RIMBP2: variants seen among roughly 807,000 people sequenced by gnomAD.
The protein encoded by RIMBP2 is RIMS binding protein 2, also known as RIMS-binding protein 2.
In RIMBP2, 48 loss-of-function variants were observed where a neutral mutation model predicts 118.6. The ratio of observed to expected loss-of-function variants is 0.40; its 90% CI spans 0.32 to 0.51. The LOEUF (loss-of-function observed/expected upper bound fraction) is 0.51, where lower values mean the gene tolerates loss of function less well. Among genes scored for constraint, RIMBP2 ranks in the 20% least tolerant of loss-of-function variants. RIMBP2 has a pLI of 0.41. For missense variants in RIMBP2, 1,551 were observed against 1,768.3 expected (o/e 0.88, Z 2.20); for synonymous variants, 762 against 742.9 (o/e 1.03, Z -0.42).
At chr12:130,664,413 A>ACGCACACGCACGCGCACGCACG (rs746938510) in intron 1 of RIMBP2, among the ~76,000 whole-genome samples, 2 of 121,238 alleles carry the variant, frequency 1.6e-5, no homozygotes, top group Non-Finnish European at 3.6e-5. Context: ...GCACGCACGC[A>ACGCACACGCACGCGCACGCACG]CACACACGCA....
rs1225918788 is a variant in RIMBP2 at position 130,396,735 on chromosome 12, A to G, written c.*626T>C. ...TTTTCTCTTTTTTGAATGATTGAGT[A>G]AACATTTTCTGTGTGTAGCCTGGCT... On this transcript the variant is annotated 3_prime_UTR_variant, in exon 23 of 23. Coordinates refer to ENST00000690449, the MANE Select transcript of RIMBP2 (RefSeq NM_001393629.1). The G allele has an allele frequency of 6.6e-6, 1 of 152,662 alleles. No individual in the cohort carries two copies. The highest frequency in any genetic ancestry group is 2.4e-5 in the African/African-American group (1 of 41,462). 9.5% of individuals were successfully genotyped at this position (152,662 alleles called of 1,614,324 possible).
intron 2 of RIMBP2, among the ~76,000 whole-genome samples, chr12:130,611,494 A>G (rs2060549290): frequency 6.6e-6 from 1 of 152,190 alleles, no homozygotes; most frequent in Non-Finnish European, 1.5e-5. Flanking sequence ...GCTGGAAGAC[A>G]CCGGCTGCCG....
rs192268709 is a variant in RIMBP2 at position 130,412,858 on chromosome 12, G to A, written c.3421-71C>T. 3,359 of 1,381,034 alleles carry A rather than the reference G, an allele frequency of 2.4e-3. 8 individuals are homozygous for A. The highest frequency in any genetic ancestry group is 3.1e-3 in the Non-Finnish European group (3,108 of 1,008,170). 85.5% of individuals were successfully genotyped at this position (1,381,034 alleles called of 1,614,324 possible). On this transcript the variant is annotated intron_variant, in intron 18 of 22. Coordinates refer to ENST00000690449, the MANE Select transcript of RIMBP2 (RefSeq NM_001393629.1). ...TCAGAAATACAATAGTCCCACTGACGGTAAGTGAGTGTAGTCGAAAATATA... is the reference window on the plus strand; with the variant it reads ...TCAGAAATACAATAGTCCCACTGACAGTAAGTGAGTGTAGTCGAAAATATA...
chr12:130,610,457 A>G (rs1190330687), intron 2 of RIMBP2, among the ~76,000 whole-genome samples: 1 of 152,248 alleles, frequency 6.6e-6, no homozygotes, highest in Non-Finnish European at 1.5e-5. Context: ...TCTCTTTGAT[A>G]AATAAAAACA....
At position 130,523,203 on chromosome 12, in the gene RIMBP2, T is replaced by TG. The variant is rs565557115; in HGVS notation, c.-216-5287dup. ...CCTCTCTGTCTCTATTTCTCTGTGT[T>TG]GGGGGGGGTTTCTCTGCCTCCATCT... On this transcript the variant is annotated intron_variant, in intron 2 of 22. Transcript: ENST00000690449. This position sits in a 1 kb window ranked among gnomAD's most constrained non-coding sequence, Gnocchi z 4.4. 1.9e-3 allele frequency among the ~76,000 whole-genome samples: 283 copies of TG among 151,668 alleles called. No homozygotes were observed. Among genetic ancestry groups the TG allele is most frequent in the South Asian group, 3.8e-3 (18 of 4,776 alleles).
intron 2 of RIMBP2, among the ~76,000 whole-genome samples, chr12:130,543,757 G>GA (rs56394528): frequency 0.13 from 18,890 of 141,348 alleles, 1,452 homozygotes; most frequent in Non-Finnish European, 0.2. Context: ...GCACCAGGTG[G>GA]AAAAAAAAAA....
Position 130,525,604 on chromosome 12 carries a change from G to A in RIMBP2, c.-216-7687C>T, listed in dbSNP as rs976075273. ...CCCAGTCAAGGCTGAGGGTGGTAAC[G>A]TTCATGGGGGCATTGGCAGGTGCAG... On this transcript the variant is annotated intron_variant, in intron 2 of 22. Transcript: ENST00000690449. The surrounding 1 kb of genome is among the most constrained non-coding windows in gnomAD (Gnocchi z 4.4). Among the ~76,000 whole-genome samples, 4 of 152,130 alleles carry A rather than the reference G, an allele frequency of 2.6e-5. No individual in the cohort carries two copies. The highest frequency in any genetic ancestry group is 4.4e-5 in the Non-Finnish European group (3 of 68,026).
intron 1 of RIMBP2, among the ~76,000 whole-genome samples, chr12:130,696,521 G>A (rs2398526): frequency 0.66 from 100,228 of 152,090 alleles, 35,147 homozygotes; most frequent in East Asian, 0.89. Context: ...ATTAATATAG[G>A]TTGTTTTAAA....
At chr12:130,421,797 C>T (rs2076429937) in intron 17 of RIMBP2, among the ~76,000 whole-genome samples, 1 of 151,892 alleles carries the variant, frequency 6.6e-6, no homozygotes, top group Admixed American at 6.6e-5. Context: ...TTTTGGAATT[C>T]TCCTTGCCAT....
At chr12:130,461,792 A>G (rs1013033290) in intron 6 of RIMBP2, among the ~76,000 whole-genome samples, 7 of 152,070 alleles carry the variant, frequency 4.6e-5, no homozygotes, top group Non-Finnish European at 1.0e-4. Flanking sequence ...CCATGATTGT[A>G]AGTTTCCCAA....
intron 6 of RIMBP2, among the ~76,000 whole-genome samples, chr12:130,464,613 G>C (rs1237194714): frequency 6.6e-6 from 1 of 152,214 alleles, no homozygotes; most frequent in Non-Finnish European, 1.5e-5. Flanking sequence ...GTCATGCATT[G>C]CTGCTGACTC....
chr12:130,454,214 A>G (rs1191571992), intron 7 of RIMBP2, among the ~76,000 whole-genome samples: 2 of 152,256 alleles, frequency 1.3e-5, no homozygotes, highest in Non-Finnish European at 2.9e-5. Flanking sequence ...TTATTTCACA[A>G]TTGATTTATG....
chr12:130,706,547 A>G (rs528263936), intron 1 of RIMBP2, among the ~76,000 whole-genome samples: 18 of 152,392 alleles, frequency 1.2e-4, no homozygotes, highest in Admixed American at 2.6e-4. Flanking sequence ...TGTGGGGCAC[A>G]GGCAGGTCCG....
intron 21 of RIMBP2, among the ~76,000 whole-genome samples, chr12:130,405,494 G>T (rs539694710): frequency 6.6e-6 from 1 of 152,346 alleles, no homozygotes; most frequent in South Asian, 2.1e-4. Context: ...AAGTGGCCCT[G>T]TGGGCTTCTG....
intron 21 of RIMBP2, among the ~76,000 whole-genome samples, chr12:130,401,535 C>T (rs913843597): frequency 2.0e-5 from 3 of 151,820 alleles, no homozygotes; most frequent in East Asian, 1.9e-4. Flanking sequence ...TGCCCTGCCC[C>T]GCCCCACTCT....
intron 2 of RIMBP2, among the ~76,000 whole-genome samples, chr12:130,597,275 GCT>G (rs1593967795): frequency 6.6e-6 from 1 of 152,116 alleles, no homozygotes; most frequent in Non-Finnish European, 1.5e-5. Flanking sequence ...ACGGAGTCTC[GCT>G]CTGTCTCCCA....
chr12:130,474,476 CT>C (rs2137972376), intron 5 of RIMBP2, among the ~76,000 whole-genome samples: 1 of 152,334 alleles, frequency 6.6e-6, no homozygotes, highest in Admixed American at 6.5e-5. Context: ...TCCGACGCGC[CT>C]TTCACGGAGC....
intron 1 of RIMBP2, among the ~76,000 whole-genome samples, chr12:130,709,693 C>T (rs1045245993): frequency 1.3e-5 from 2 of 152,086 alleles, no homozygotes; most frequent in Admixed American, 1.3e-4. Context: ...GAAACCACGT[C>T]GGTAATAAGC....
At position 130,442,535 on chromosome 12, in the gene RIMBP2, C is replaced by T. The variant is rs769042353; in HGVS notation, c.817G>A (p.Gly273Ser). 38 of 1,613,966 alleles carry T rather than the reference C, an allele frequency of 2.4e-5. No homozygotes were observed. The highest frequency in any genetic ancestry group is 1.9e-4 in the South Asian group (17 of 91,082). ...ATGTGCTCTCCCTCCAGGCCGATGCCGGAATGGTTGATGAAGTTCTGATCC... is the reference window on the plus strand; with the variant it reads ...ATGTGCTCTCCCTCCAGGCCGATGCTGGAATGGTTGATGAAGTTCTGATCC... ...EQDQNFINHS[G>S]IGLEGEHILD... The change falls in exon 11 of 23, where the codon GGC becomes AGC. Residue 273 changes from glycine (G) to serine (S), a missense_variant. This residue lies in a region of RIMBP2 where 265 missense variants were observed against 349.5 expected (regional missense o/e 0.76). Transcript: ENST00000690449. The surrounding 1 kb of genome is among the most constrained non-coding windows in gnomAD (Gnocchi z 6.9).
Sources: gnomAD v4.1 joint callset for allele counts (sites outside exome capture counted in the v4.1 genomes callset) on GRCh38, gnomAD v4.1.1 for gene constraint, gnomAD v4.1.1 regional missense constraint, Gnocchi (gnomAD v3.1) non-coding constraint, MANE v1.5 for transcripts, NCBI Gene and HGNC (gene_info 2026-07-23, HGNC 2026-07-21) for gene names.